DACH2: variants seen among roughly 807,000 people sequenced by gnomAD.
The protein encoded by DACH2 is dachshund homolog 2.
DACH2 carries 17 observed loss-of-function variants against 35.8 expected under a neutral mutation model. The ratio of observed to expected loss-of-function variants is 0.48; its 90% confidence interval spans 0.33 to 0.71. The LOEUF (loss-of-function observed/expected upper bound fraction) is 0.71, where lower values mean the gene tolerates loss of function less well. Ranked by LOEUF, DACH2 falls within the 30% of genes least tolerant of loss-of-function variation. The pLI, the probability that DACH2 is intolerant of heterozygous loss-of-function variation, is 0.02. For synonymous variants in DACH2, 195 were observed against 177.3 expected (o/e 1.10, Z -0.79); for missense variants, 469 against 472.7 (o/e 0.99, Z 0.07).
At chrX:86,529,621 C>T (rs1453876478) in intron 3 of DACH2, among the ~76,000 whole-genome samples, 13 of 109,460 alleles carry the variant, frequency 1.2e-4, no homozygotes, top group Non-Finnish European at 1.7e-4. Context: ...TACAGGCACC[C>T]GCCTCCACAC....
At chrX:86,490,050 C>A (rs2038072846) in intron 2 of DACH2, among the ~76,000 whole-genome samples, 4 of 111,821 alleles carry the variant, frequency 3.6e-5, no homozygotes, top group Admixed American at 1.9e-4. Context: ...GGAAGGAATG[C>A]TAAACTCTTT....
At chrX:86,649,890 A>T (rs1320366926) in intron 3 of DACH2, among the ~76,000 whole-genome samples, 1 of 110,774 alleles carries the variant, frequency 9.0e-6, no homozygotes, top group African/African-American at 3.3e-5. Context: ...TCCTTGAATC[A>T]CGTTTTTATG....
chrX:86,507,985 GA>G (rs1231083183), intron 2 of DACH2, among the ~76,000 whole-genome samples: 1 of 111,530 alleles, frequency 9.0e-6, no homozygotes, highest in African/African-American at 3.3e-5. Flanking sequence ...AGAGGACAAG[GA>G]GAGAAGTTTG....
chrX:86,412,607 C>T, intron 2 of DACH2, among the ~76,000 whole-genome samples: 1 of 111,956 alleles, frequency 8.9e-6, no homozygotes, highest in African/African-American at 3.2e-5. Context: ...TGGTCAGAGG[C>T]AATGCTGTGT....
At chrX:86,414,609 C>T (rs777141924) in intron 2 of DACH2, among the ~76,000 whole-genome samples, 76 of 111,089 alleles carry the variant, frequency 6.8e-4, no homozygotes, top group Admixed American at 1.2e-3. Flanking sequence ...CTTTTTGACC[C>T]TCCCAGCTGG....
chrX:86,508,390 C>A (rs2038354179), intron 2 of DACH2, among the ~76,000 whole-genome samples: 1 of 109,760 alleles, frequency 9.1e-6, no homozygotes, highest in African/African-American at 3.3e-5. Flanking sequence ...AAAACCCCGT[C>A]TCTACTAAAA....
chrX:86,685,239 G>A (rs2040928334), intron 4 of DACH2, among the ~76,000 whole-genome samples: 1 of 111,494 alleles, frequency 9.0e-6, no homozygotes, highest in Non-Finnish European at 1.9e-5. Flanking sequence ...TCACAATGAG[G>A]TCAGAATAAA....
At chrX:86,608,154 G>A (rs7876466) in intron 3 of DACH2, among the ~76,000 whole-genome samples, 20,285 of 110,269 alleles carry the variant, frequency 0.18, 1,469 homozygotes, top group South Asian at 0.35. Context: ...CAGCCAAAAA[G>A]CACATGAAAA....
At chrX:86,365,946 C>T (rs1199667521) in intron 1 of DACH2, among the ~76,000 whole-genome samples, 1 of 111,198 alleles carries the variant, frequency 9.0e-6, no homozygotes. Flanking sequence ...AATGAAGTGA[C>T]CAGTGTCAAA....
chrX:86,157,857 A>G (rs1226369981), intron 1 of DACH2, among the ~76,000 whole-genome samples: 1 of 111,277 alleles, frequency 9.0e-6, no homozygotes, highest in Non-Finnish European at 1.9e-5. Flanking sequence ...TATGTTATGT[A>G]TACATTATGA....
chrX:86,360,217 C>A (rs1415232165), intron 1 of DACH2, among the ~76,000 whole-genome samples: 4 of 110,570 alleles, frequency 3.6e-5, no homozygotes, highest in Non-Finnish European at 7.6e-5. Context: ...TTCTTTTAAG[C>A]ACTATAATCC....
chrX:86,748,795 T>G (rs2147269092), intron 7 of DACH2, among the ~76,000 whole-genome samples: 1 of 111,881 alleles, frequency 8.9e-6, no homozygotes, highest in South Asian at 3.7e-4. Context: ...ATGGCTTCTC[T>G]TCTCTAGCTA....
At chrX:86,818,580 G>C (rs897341374) in intron 11 of DACH2, among the ~76,000 whole-genome samples, 1 of 110,691 alleles carries the variant, frequency 9.0e-6, no homozygotes, top group Non-Finnish European at 1.9e-5. Flanking sequence ...GTTCTTTTTT[G>C]TGACATTTTG....
intron 7 of DACH2, among the ~76,000 whole-genome samples, chrX:86,758,878 A>C (rs2041853735): frequency 8.9e-6 from 1 of 112,660 alleles, no homozygotes; most frequent in Admixed American, 9.4e-5. Flanking sequence ...TATATGGGGT[A>C]CCCATAACCT....
intron 7 of DACH2, among the ~76,000 whole-genome samples, chrX:86,751,413 C>A (rs2041771496): frequency 9.1e-6 from 1 of 110,364 alleles, no homozygotes; most frequent in Non-Finnish European, 1.9e-5. Flanking sequence ...AAAAAAAAAT[C>A]AACAACACAC....
intron 3 of DACH2, among the ~76,000 whole-genome samples, chrX:86,556,984 T>C (rs2223364): frequency 1.9e-5 from 2 of 105,298 alleles, no homozygotes; most frequent in African/African-American, 3.5e-5. Context: ...GGCATAACTC[T>C]AAGATCTACA....
chrX:86,648,155 T>C (rs191687916), intron 3 of DACH2, among the ~76,000 whole-genome samples: 201 of 111,639 alleles, frequency 1.8e-3, no homozygotes, highest in African/African-American at 5.9e-3. Flanking sequence ...ATAATGTAAA[T>C]GTGTTATTTT....
At chrX:86,472,347 AC>A (rs1336261892) in intron 2 of DACH2, among the ~76,000 whole-genome samples, 2 of 111,766 alleles carry the variant, frequency 1.8e-5, no homozygotes, top group African/African-American at 6.5e-5. Flanking sequence ...AATACAGGCA[AC>A]CTCTAGAAAG....
intron 2 of DACH2, among the ~76,000 whole-genome samples, chrX:86,408,391 A>G (rs190196793): frequency 2.3e-4 from 26 of 111,664 alleles, no homozygotes; most frequent in African/African-American, 8.1e-4. Context: ...ATTTTTTGCC[A>G]GTGGTATGAC....
Sources: allele counts gnomAD v4.1 joint callset (sites outside exome capture counted in the v4.1 genomes callset), GRCh38; gene constraint gnomAD v4.1.1; transcripts MANE v1.5; gene names NCBI Gene and HGNC (gene_info 2026-07-23, HGNC 2026-07-21).